WDR45: variants seen among roughly 807,000 people sequenced by gnomAD.
WDR45 encodes WD repeat domain phosphoinositide-interacting protein 4.
Under a neutral mutation model 27.3 loss-of-function variants are expected in WDR45, and 2 were observed. The ratio of observed to expected loss-of-function variants is 0.07; its 90% confidence interval spans 0.03 to 0.23. WDR45 has a LOEUF of 0.23. Among genes scored for constraint, WDR45 ranks in the 10% least tolerant of loss-of-function variants. The pLI, the probability that WDR45 is intolerant of heterozygous loss-of-function variation, is 1.00. For synonymous variants in WDR45, 99 were observed against 119.2 expected, an observed-to-expected ratio of 0.83 and a Z score of 1.11; for missense variants, 175 against 311.9, an observed-to-expected ratio of 0.56 and a Z score of 3.31.
At chrX:49,075,031 CTGA>C in intron 10 of WDR45, 102 bp downstream of exon 10, 2 of 1,155,076 alleles carry the variant, frequency 1.7e-6, no homozygotes, top group Non-Finnish European at 2.3e-6. Context: ...GTCCCCCTTA[CTGA>C]TGATGAAGCT....
chrX:49,088,849 G>GAAAC (rs782539223), intron 2 of WDR45, among the ~76,000 whole-genome samples: 12 of 111,584 alleles, frequency 1.1e-4, no homozygotes, highest in African/African-American at 1.9e-4. Context: ...CCTTATCTCA[G>GAAAC]AAACAAACAA....
chrX:49,076,267 G>A, intron 6 of WDR45, 163 bp downstream of exon 6: 1 of 610,748 alleles, frequency 1.6e-6, no homozygotes, highest in South Asian at 2.9e-5. Flanking sequence ...GGGGAGAACT[G>A]GCTGAGGGCT....
intron 2 of WDR45, among the ~76,000 whole-genome samples, chrX:49,097,450 C>T (rs2065129680): frequency 9.3e-6 from 1 of 107,715 alleles, no homozygotes; most frequent in African/African-American, 3.4e-5. Context: ...TCTCAGCCTC[C>T]CGAGTAGCTG....
chrX:49,075,157 T>G lies in WDR45; in HGVS notation c.952A>C (p.Lys318Gln), dbSNP rs1287435083. 3.3e-6 allele frequency: 4 copies of G among 1,210,608 alleles called. No homozygotes were observed. In the Admixed American group the frequency reaches 8.7e-5, roughly 26 times the overall value. ...TCACCAATGACAGAGTTGACGTTCT[T>G]GGAAGTATTGCGACCGAAGGCGCAG... Reference protein sequence around the residue: ...CICAFGRNTSKNVNSVIAICV... With the variant: ...CICAFGRNTSQNVNSVIAICV... Residue 318 changes from lysine (K) to glutamine (Q), a missense_variant, in exon 10 of 11, where the codon AAG (lysine) becomes CAG (glutamine). Coordinates refer to ENST00000376372, the MANE Select transcript of WDR45 (RefSeq NM_001029896.2).
At chrX:49,090,857 G>T (rs192977033) in intron 2 of WDR45, among the ~76,000 whole-genome samples, 2 of 103,741 alleles carry the variant, frequency 1.9e-5, no homozygotes, top group Admixed American at 2.1e-4. Context: ...TTTTTGAGAC[G>T]GAGTCTCGCT....
At chrX:49,078,367 C>T (rs1557084603) in intron 1 of WDR45, among the ~76,000 whole-genome samples, 1 of 112,143 alleles carries the variant, frequency 8.9e-6, no homozygotes, top group African/African-American at 3.2e-5. Flanking sequence ...AATAAAAATA[C>T]AAAAGTTAGC....
upstream of WDR45, chrX:49,080,130 T>A (rs782057646): frequency 8.9e-6 from 1 of 112,705 alleles, no homozygotes; most frequent in South Asian, 3.6e-4. Context: ...AGAGAGAGCG[T>A]GCCTTGCCCC....
intron 4 of WDR45, chrX:49,077,322 T>C (rs2065043582): frequency 3.3e-6 from 1 of 299,905 alleles, no homozygotes; most frequent in Non-Finnish European, 6.0e-6. Context: ...TCGGTAAAGA[T>C]GGGGATAATG....
At chrX:49,092,215 A>G (rs1386249278) in intron 2 of WDR45, among the ~76,000 whole-genome samples, 2 of 108,271 alleles carry the variant, frequency 1.8e-5, no homozygotes, top group Non-Finnish European at 3.8e-5. Flanking sequence ...TGTATGCTAT[A>G]GTAACAAAGC....
chrX:49,094,916 G>A (rs1181079159), intron 2 of WDR45, among the ~76,000 whole-genome samples: 2 of 110,348 alleles, frequency 1.8e-5, no homozygotes, highest in East Asian at 5.8e-4. Flanking sequence ...AGCCTCCCTA[G>A]TAGCTGGGAT....
In WDR45 at chrX:49,075,887, C is replaced by T; in HGVS notation, c.495G>A (p.Lys165=). The change falls in exon 7 of 11, where the codon AAG becomes AAA. Residue 165 remains lysine, a synonymous_variant. Transcript: ENST00000376372. ...EKQLLVFPGH[K]CGSLQLVDLA... is the part of the protein sequence containing the mutation. ...TCACCACAAGTTGCAGACTCCCACACTTGTGTCCCGGGAACACTAGCAGTT... is the reference window on the plus strand; with the variant it reads ...TCACCACAAGTTGCAGACTCCCACATTTGTGTCCCGGGAACACTAGCAGTT... 4.1e-6 allele frequency: 5 copies of T among 1,210,689 alleles called. No individual in the cohort carries two copies. Among genetic ancestry groups the T allele is most frequent in the Non-Finnish European group, 4.5e-6 (4 of 895,190 alleles).
At chrX:49,086,714 C>T (rs968579469) in intron 2 of WDR45, among the ~76,000 whole-genome samples, 3 of 111,248 alleles carry the variant, frequency 2.7e-5, no homozygotes, top group Admixed American at 9.6e-5. Context: ...CCGCTTCAGC[C>T]TCCTGAGTAG....
chrX:49,081,496 C>T (rs1423445454), upstream of WDR45, among the ~76,000 whole-genome samples: 1 of 102,757 alleles, frequency 9.7e-6, no homozygotes, highest in African/African-American at 3.6e-5. Flanking sequence ...CACCACTGCA[C>T]TCCAGCCTGG....
In WDR45 at chrX:49,075,767, G is replaced by A. The variant is rs368023623; in HGVS notation, c.517-14C>T. 16 of 1,201,220 alleles carry A rather than the reference G, an allele frequency of 1.3e-5. No homozygotes were observed. The highest frequency in any genetic ancestry group is 2.2e-5 in the Admixed American group (1 of 44,468). On this transcript the variant is annotated splice_polypyrimidine_tract_variant and intron_variant, in intron 7 of 10. Transcript: ENST00000376372. ...GCTCGCCAGGTCCTGGGGTAGGAGGGAGGAGTCTGAGGTTGGGGTGGTATG... is the reference window on the plus strand; with the variant it reads ...GCTCGCCAGGTCCTGGGGTAGGAGGAAGGAGTCTGAGGTTGGGGTGGTATG...
upstream of WDR45, among the ~76,000 whole-genome samples, chrX:49,081,809 C>T (rs1397503290): frequency 3.7e-5 from 4 of 106,911 alleles, no homozygotes; most frequent in Non-Finnish European, 7.7e-5. Context: ...CACGGTGAAA[C>T]CTCCTCTCTA....
chrX:49,081,282 G>A (rs1173355037), upstream of WDR45, among the ~76,000 whole-genome samples: 1 of 106,721 alleles, frequency 9.4e-6, no homozygotes, highest in Non-Finnish European at 1.9e-5. Context: ...TGTAATCCCA[G>A]CACTTTGGGA....
intron 2 of WDR45, among the ~76,000 whole-genome samples, chrX:49,094,722 C>A (rs1350711972): frequency 2.7e-5 from 3 of 110,756 alleles, no homozygotes; most frequent in Non-Finnish European, 5.7e-5. Context: ...TGAACACTGA[C>A]CTTGAGACAT....
rs2065025875 is a variant in WDR45 at position 49,074,649 on chromosome X, GT to G, written c.*153del. On this transcript the variant is annotated 3_prime_UTR_variant, in exon 11 of 11. Coordinates refer to ENST00000376372, the MANE Select transcript of WDR45 (RefSeq NM_001029896.2). ...AGTCATCAAGAAGTGCTGGGGGGAA[GT>G]GAGCTCTTTATTTAGACATAGCTCT... The G allele has an allele frequency of 2.4e-5, 11 of 467,297 alleles. No individual in the cohort carries two copies. The highest frequency in any genetic ancestry group is 3.7e-5 in the Non-Finnish European group (10 of 267,348). The allele number at this position is 467,297 out of a possible 1,213,427, so 38.5% of individuals were successfully genotyped here.
In WDR45 at chrX:49,075,575, C is replaced by G. The variant is rs781978699; in HGVS notation, c.695G>C (p.Arg232Pro). The change falls in exon 8 of 11, where the codon CGC becomes CCC. Residue 232 changes from arginine (R) to proline (P), a missense_variant. Coordinates refer to ENST00000376372, the MANE Select transcript of WDR45 (RefSeq NM_001029896.2). ...TQSKEKLVEL[R>P]RGTDPATLYC... ...GAGGGTGGCAGGGTCAGTGCCTCGG[C>G]GCAGCTCCACCAGTTTCTCCTTGGA... 1 of 1,211,657 alleles carries G rather than the reference C, an allele frequency of 8.3e-7. No individual in the cohort carries two copies. The highest frequency in any genetic ancestry group is 1.1e-6 in the Non-Finnish European group (1 of 895,505).
Sources: gnomAD v4.1 joint callset for allele counts (sites outside exome capture counted in the v4.1 genomes callset) on GRCh38, gnomAD v4.1.1 for gene constraint, MANE v1.5 for transcripts, NCBI Gene and HGNC (gene_info 2026-07-23, HGNC 2026-07-21) for gene names.